KIAA1549L: variants seen among roughly 807,000 people sequenced by gnomAD.
KIAA1549L encodes the protein UPF0606 protein KIAA1549L.
A neutral mutation model predicts 160.7 loss-of-function variants in KIAA1549L; 88 were observed. The ratio of observed to expected loss-of-function variants is 0.55; its 90% CI spans 0.46 to 0.65. KIAA1549L has a LOEUF of 0.65. Ranked by LOEUF, KIAA1549L falls within the 30% of genes least tolerant of loss-of-function variation. The pLI, the probability that KIAA1549L is intolerant of heterozygous loss-of-function variation, is 0.00. For synonymous variants in KIAA1549L, 950 were observed against 976.7 expected (o/e 0.97, Z 0.51); for missense variants, 2,258 against 2,437.5 (o/e 0.93, Z 1.55).
intron 12 of KIAA1549L, among the ~76,000 whole-genome samples, chr11:33,594,736 A>T (rs1850154379): frequency 6.6e-6 from 1 of 152,244 alleles, no homozygotes; most frequent in South Asian, 2.1e-4. Context: ...ACAAATTAGG[A>T]CCAAGAGATG....
chr11:33,448,095 G>A (rs966419341), intron 1 of KIAA1549L, among the ~76,000 whole-genome samples: 25 of 152,018 alleles, frequency 1.6e-4, no homozygotes, highest in Admixed American at 1.6e-3. Context: ...AAAATTTTAA[G>A]TTTTACTTTA....
At chr11:33,517,984 A>T (rs1405330000) in intron 1 of KIAA1549L, among the ~76,000 whole-genome samples, 1 of 151,842 alleles carries the variant, frequency 6.6e-6, no homozygotes, top group Non-Finnish European at 1.5e-5. Flanking sequence ...TACTCAAAAT[A>T]CAAAAATTAG....
chr11:33,527,702 C>G (rs1853645566), intron 1 of KIAA1549L, among the ~76,000 whole-genome samples: 1 of 152,048 alleles, frequency 6.6e-6, no homozygotes, highest in Non-Finnish European at 1.5e-5. Context: ...GGACTAATAT[C>G]CAGAATCTAC....
intron 17 of KIAA1549L, among the ~76,000 whole-genome samples, chr11:33,647,375 C>CAAAA (rs10578169): frequency 9.6e-5 from 11 of 115,084 alleles, no homozygotes; most frequent in African/African-American, 3.0e-4. Context: ...GACTCTGTCT[C>CAAAA]AAAAAAAAAA....
intron 17 of KIAA1549L, 136 bp from the exon 18 acceptor site, chr11:33,655,876 A>G (rs979000660): frequency 1.5e-6 from 1 of 649,664 alleles, no homozygotes; most frequent in Non-Finnish European, 2.8e-6. Context: ...GTGAGGGAAG[A>G]TCTTAGAAAA....
chr11:33,567,527 A>T (rs1469344224), intron 8 of KIAA1549L, among the ~76,000 whole-genome samples: 1 of 152,180 alleles, frequency 6.6e-6, no homozygotes, highest in Non-Finnish European at 1.5e-5. Context: ...GGAGGAAGAG[A>T]TGAGGACACT....
intron 17 of KIAA1549L, among the ~76,000 whole-genome samples, chr11:33,648,188 G>C (rs1039363323): frequency 6.6e-6 from 1 of 151,968 alleles, no homozygotes; most frequent in African/African-American, 2.4e-5. Flanking sequence ...TAGAGAGGGG[G>C]TTTCACCACG....
intron 11 of KIAA1549L, 53 bp from the exon 12 acceptor site, chr11:33,591,184 T>C: frequency 7.4e-7 from 1 of 1,345,696 alleles, no homozygotes; most frequent in Non-Finnish European, 1.0e-6. Context: ...AAAGCCATGG[T>C]TAGAGTCACA....
At chr11:33,596,041 TGTA>T (rs1370950163) in intron 12 of KIAA1549L, among the ~76,000 whole-genome samples, 4 of 152,246 alleles carry the variant, frequency 2.6e-5, no homozygotes, top group African/African-American at 9.6e-5. Context: ...GGCACTTCAG[TGTA>T]GTGATTGGCC....
chr11:33,601,277 A>G lies in KIAA1549L; in HGVS notation c.4879+2330A>G, dbSNP rs1850353978. On this transcript the variant is annotated intron_variant, in intron 13 of 20. Transcript: ENST00000658780. The stretch of plus-strand genomic sequence containing the variant: ...TCTATTCCGTAAGGTTTTAGGTTTG[A>G]ACTTTTCCAGTAGAACCAATAGAAC... Among the ~76,000 whole-genome samples the G allele has an allele frequency of 2.0e-5, 3 of 152,294 alleles. No individual in the cohort carries two copies. The South Asian group carries it at 6.2e-4, about 32-fold the overall frequency.
chr11:33,615,772 A>G (rs1443754802), intron 15 of KIAA1549L, among the ~76,000 whole-genome samples: 1 of 152,196 alleles, frequency 6.6e-6, no homozygotes, highest in Non-Finnish European at 1.5e-5. Context: ...TTAAGTGTCA[A>G]TTGCTAATCT....
At chr11:33,461,967 T>C (rs1324617399) in intron 1 of KIAA1549L, among the ~76,000 whole-genome samples, 1 of 152,206 alleles carries the variant, frequency 6.6e-6, no homozygotes, top group East Asian at 1.9e-4. Flanking sequence ...ATGCTAGGCC[T>C]CTCCCATGCT....
chr11:33,391,203 C>T (rs1850266752), intron 1 of KIAA1549L, among the ~76,000 whole-genome samples: 1 of 152,200 alleles, frequency 6.6e-6, no homozygotes, highest in Non-Finnish European at 1.5e-5. Context: ...TGGTGTCTCA[C>T]TTGTGACATA....
intron 1 of KIAA1549L, among the ~76,000 whole-genome samples, chr11:33,401,997 C>T (rs560977440): frequency 1.3e-5 from 2 of 152,204 alleles, no homozygotes; most frequent in East Asian, 3.8e-4. Context: ...CAGTTGTTCC[C>T]GTGGGGGAAT....
chr11:33,628,133 C>A (rs1404870542), intron 16 of KIAA1549L, among the ~76,000 whole-genome samples: 3 of 151,278 alleles, frequency 2.0e-5, no homozygotes, highest in Non-Finnish European at 4.4e-5. Context: ...AGTTTGATTG[C>A]ACTGTGGTCT....
chr11:33,559,949 C>A, intron 7 of KIAA1549L, 38 bp downstream of exon 7: 1 of 1,591,338 alleles, frequency 6.3e-7, no homozygotes, highest in South Asian at 1.1e-5. Flanking sequence ...CCAGTGTTTC[C>A]CCTGTGGCCT....
chr11:33,380,566 AGT>A (rs1850053996), intron 1 of KIAA1549L, among the ~76,000 whole-genome samples: 1 of 152,136 alleles, frequency 6.6e-6, no homozygotes, highest in South Asian at 2.1e-4. Context: ...TCCAGAGCTG[AGT>A]TCAGGTCCTG....
chr11:33,492,508 A>G (rs934437774), intron 1 of KIAA1549L, among the ~76,000 whole-genome samples: 1 of 152,164 alleles, frequency 6.6e-6, no homozygotes, highest in African/African-American at 2.4e-5. Flanking sequence ...GAGAGGTTTT[A>G]TCTTTCTCTG....
At chr11:33,479,453 A>G (rs1330227150) in intron 1 of KIAA1549L, among the ~76,000 whole-genome samples, 2 of 152,240 alleles carry the variant, frequency 1.3e-5, no homozygotes, top group Non-Finnish European at 2.9e-5. Flanking sequence ...ATAGCCAACC[A>G]AAATATAAGG....
Sources: gnomAD v4.1 joint callset for allele counts (sites outside exome capture counted in the v4.1 genomes callset) on GRCh38, gnomAD v4.1.1 for gene constraint, MANE v1.5 for transcripts, NCBI Gene and HGNC (gene_info 2026-07-23, HGNC 2026-07-21) for gene names.